The following ZFPM2 variants were observed in gnomAD, a reference collection of about 807,000 sequenced individuals.
ZFPM2 encodes the protein zinc finger protein ZFPM2.
A neutral mutation model predicts 98.6 loss-of-function variants in ZFPM2; 20 were observed. The observed-to-expected ratio is 0.20, with a 90% confidence interval of 0.14 to 0.29. The LOEUF (loss-of-function observed/expected upper bound fraction) is 0.29. Among genes scored for constraint, ZFPM2 ranks in the 10% least tolerant of loss-of-function variants. ZFPM2 has a pLI of 1.00. For missense variants in ZFPM2, 1,310 were observed against 1,388.6 expected, an observed-to-expected ratio of 0.94 and a Z score of 0.90; for synonymous variants, 518 against 502.7, an observed-to-expected ratio of 1.03 and a Z score of -0.41.
intron 5 of ZFPM2, among the ~76,000 whole-genome samples, chr8:105,637,881 A>G (rs1816878291): frequency 6.6e-6 from 1 of 151,990 alleles, no homozygotes; most frequent in Non-Finnish European, 1.5e-5. Flanking sequence ...CGTAATGCCT[A>G]TATTATTTAT....
At chr8:105,741,230 A>T (rs963866617) in intron 5 of ZFPM2, among the ~76,000 whole-genome samples, 8 of 152,016 alleles carry the variant, frequency 5.3e-5, no homozygotes, top group African/African-American at 1.9e-4. Flanking sequence ...CAAGGTCCAA[A>T]ATGACCCTTG....
At chr8:105,786,257 GA>G (rs1813414709) in intron 5 of ZFPM2, among the ~76,000 whole-genome samples, 1 of 152,000 alleles carries the variant, frequency 6.6e-6, no homozygotes, top group East Asian at 1.9e-4. Flanking sequence ...CATCACCTTG[GA>G]TAGCTTGTCT....
rs1247332580 is a variant in ZFPM2, at chr8:105,366,675, C to A, written c.40+47694C>A. 1.8e-4 allele frequency among the ~76,000 whole-genome samples: 22 copies of A among 122,516 alleles called. No individual in the cohort carries two copies. The South Asian group carries it at 6.6e-3, about 37-fold the overall frequency. 80.4% of individuals were successfully genotyped at this position (122,516 alleles called of 152,430 possible). On this transcript the variant is annotated intron_variant, in intron 1 of 7. Transcript: ENST00000407775. ...CCAGTGCTATCCCTCCCCCCTCCCC[C>A]CACCCCACCATAGTCCCCAGAGTGT...
intron 5 of ZFPM2, among the ~76,000 whole-genome samples, chr8:105,765,568 C>A (rs1237878255): frequency 6.6e-6 from 1 of 151,736 alleles, no homozygotes; most frequent in Non-Finnish European, 1.5e-5. Context: ...GAGTGTTGCA[C>A]CAAATGGTAG....
chr8:105,586,886 T>C (rs1563731597), intron 4 of ZFPM2, among the ~76,000 whole-genome samples: 1 of 150,266 alleles, frequency 6.7e-6, no homozygotes, highest in African/African-American at 2.4e-5. Flanking sequence ...AGACATAAAA[T>C]TTGGGAAAAT....
At chr8:105,481,210 T>C (rs549813502) in intron 3 of ZFPM2, among the ~76,000 whole-genome samples, 52 of 152,310 alleles carry the variant, frequency 3.4e-4, no homozygotes, top group African/African-American at 1.1e-3. Context: ...ATTGGGGCTA[T>C]ATTGCTTCCC....
intron 4 of ZFPM2, among the ~76,000 whole-genome samples, chr8:105,620,667 C>G (rs565592971): frequency 5.9e-5 from 9 of 152,206 alleles, no homozygotes; most frequent in Admixed American, 3.3e-4. Flanking sequence ...GGTTTTAGGT[C>G]TAACATTTAA....
intron 1 of ZFPM2, among the ~76,000 whole-genome samples, chr8:105,396,254 A>G (rs1385361773): frequency 6.6e-6 from 1 of 152,194 alleles, no homozygotes; most frequent in Admixed American, 6.5e-5. Flanking sequence ...ATACATGTGA[A>G]TATGCAAACA....
In ZFPM2 at chr8:105,776,089, GA is replaced by G. The variant is rs761794025; in HGVS notation, c.533-12616del. Among the ~76,000 whole-genome samples the G allele has an allele frequency of 5.9e-3, 819 of 139,456 alleles. 2 individuals carry two copies. The highest frequency in any genetic ancestry group is 0.011 in the African/African-American group (431 of 38,228). 91.5% of individuals were successfully genotyped at this position (139,456 alleles called of 152,430 possible). A position where few individuals can be genotyped will look rare whatever the true frequency, so the allele number is the denominator to read the frequency against. On this transcript the variant is annotated intron_variant, in intron 5 of 7. Transcript: ENST00000407775. ...TTAATAGGAGACATTTTCTTACAAG[GA>G]AAAAAAAAAAAAGTACTGTGGAAAG... is the stretch of plus-strand genomic sequence containing the variant.
chr8:105,645,062 G>T (rs1380524814), intron 5 of ZFPM2, among the ~76,000 whole-genome samples: 2 of 152,008 alleles, frequency 1.3e-5, no homozygotes, highest in African/African-American at 4.8e-5. Context: ...ATAAGGACAG[G>T]GATTTTTTTT....
chr8:105,627,849 T>C (rs539931515), intron 4 of ZFPM2, among the ~76,000 whole-genome samples: 1 of 152,292 alleles, frequency 6.6e-6, no homozygotes, highest in Admixed American at 6.5e-5. Context: ...CAGATCCAAC[T>C]TTAAAAGAGA....
At chr8:105,471,622 A>T (rs141077874) in intron 3 of ZFPM2, among the ~76,000 whole-genome samples, 1 of 152,246 alleles carries the variant, frequency 6.6e-6, no homozygotes, top group East Asian at 1.9e-4. Flanking sequence ...AGCTCAGAAC[A>T]TTGGGGTTTG....
At chr8:105,689,935 A>T (rs1395142043) in intron 5 of ZFPM2, among the ~76,000 whole-genome samples, 3 of 152,176 alleles carry the variant, frequency 2.0e-5, no homozygotes, top group African/African-American at 7.2e-5. Context: ...GAAACAGATG[A>T]TTTATCCCAT....
chr8:105,484,880 A>G (rs776437454), intron 3 of ZFPM2, among the ~76,000 whole-genome samples: 2 of 152,136 alleles, frequency 1.3e-5, no homozygotes, highest in Non-Finnish European at 2.9e-5. Flanking sequence ...TGCCCTAGGA[A>G]TATTACCAAC....
At chr8:105,599,915 T>A (rs1198163705) in intron 4 of ZFPM2, among the ~76,000 whole-genome samples, 1 of 152,170 alleles carries the variant, frequency 6.6e-6, no homozygotes, top group Non-Finnish European at 1.5e-5. Flanking sequence ...TGTGCAGGAC[T>A]TATCACCCCT....
At chr8:105,561,931 C>G (rs13266384) in intron 4 of ZFPM2, among the ~76,000 whole-genome samples, 19,797 of 151,962 alleles carry the variant, frequency 0.13, 1,327 homozygotes, top group Admixed American at 0.17. Flanking sequence ...TTTTGTTATT[C>G]AGCTTTTTTG....
At chr8:105,604,996 T>A (rs530343010) in intron 4 of ZFPM2, among the ~76,000 whole-genome samples, 2 of 152,198 alleles carry the variant, frequency 1.3e-5, no homozygotes, top group South Asian at 4.1e-4. Flanking sequence ...TTTAAAAAGA[T>A]CTTAACATAG....
At chr8:105,576,928 T>A (rs1399686963) in intron 4 of ZFPM2, among the ~76,000 whole-genome samples, 1 of 152,142 alleles carries the variant, frequency 6.6e-6, no homozygotes, top group East Asian at 1.9e-4. Flanking sequence ...CAGCTATCTT[T>A]TATTAGTTTC....
chr8:105,458,549 A>T (rs1272682123), intron 3 of ZFPM2, among the ~76,000 whole-genome samples: 1 of 152,338 alleles, frequency 6.6e-6, no homozygotes, highest in Non-Finnish European at 1.5e-5. Context: ...AATATATTCT[A>T]TCAGGGATGG....
Sources: allele counts gnomAD v4.1 joint callset (sites outside exome capture counted in the v4.1 genomes callset), GRCh38; gene constraint gnomAD v4.1.1; transcripts MANE v1.5; gene names NCBI Gene and HGNC (gene_info 2026-07-23, HGNC 2026-07-21).